Variants in AOX1 observed in about 807,000 individuals in gnomAD.
The protein encoded by AOX1 is aldehyde oxidase.
Under a neutral mutation model 169.5 loss-of-function variants are expected in AOX1, and 153 were observed. That is an observed-to-expected ratio of 0.90 (90% CI 0.79 to 1.03). The LOEUF (loss-of-function observed/expected upper bound fraction) is 1.03, where lower values mean the gene tolerates loss of function less well. Ranked by LOEUF, AOX1 falls within the 50% of genes least tolerant of loss-of-function variation. AOX1 has a pLI of 0.00. For missense variants in AOX1, 1,656 were observed against 1,663.9 expected (o/e 1.00, Z 0.08); for synonymous variants, 562 against 581.9 (o/e 0.97, Z 0.49).
At position 200,666,759 on chromosome 2, in the gene AOX1, G is replaced by C; in HGVS notation, c.3609+7G>C. ...AGCCATTGACATAGGCCAGGTACGT[G>C]TAACTGATGTGTCTCACTTTCTATT... On this transcript the variant is annotated splice_region_variant and intron_variant, in intron 32 of 34. Transcript: ENST00000374700. 3.7e-6 allele frequency: 6 copies of C among 1,603,796 alleles called. No homozygotes were observed. Among genetic ancestry groups the C allele is most frequent in the Non-Finnish European group, 5.1e-6 (6 of 1,175,414 alleles).
intron 3 of AOX1, among the ~76,000 whole-genome samples, chr2:200,596,876 G>A (rs1017921021): frequency 1.3e-5 from 2 of 152,162 alleles, no homozygotes. Flanking sequence ...TAGAATGGGA[G>A]TGGCAGTCTC....
chr2:200,667,356 G>A (rs978218416), intron 32 of AOX1, among the ~76,000 whole-genome samples: 5 of 152,166 alleles, frequency 3.3e-5, no homozygotes, highest in South Asian at 2.1e-4. Flanking sequence ...GACCCACCTG[G>A]AATCTTCATA....
chr2:200,608,606 G>A (rs1016821916), intron 10 of AOX1, among the ~76,000 whole-genome samples: 1 of 152,110 alleles, frequency 6.6e-6, no homozygotes, highest in African/African-American at 2.4e-5. Context: ...TATCTCATAG[G>A]TATGTTCAGA....
chr2:200,629,471 C>T (rs190009117), intron 20 of AOX1, among the ~76,000 whole-genome samples: 1 of 152,032 alleles, frequency 6.6e-6, no homozygotes, highest in Non-Finnish European at 1.5e-5. Context: ...TTTATCAAAC[C>T]CAGTGTTTCC....
At chr2:200,667,042 A>G (rs2287008) in intron 32 of AOX1, among the ~76,000 whole-genome samples, 86,657 of 151,972 alleles carry the variant, frequency 0.57, 25,011 homozygotes, top group East Asian at 0.8. Context: ...TGGGACATAA[A>G]TAGAGTTAGT....
At chr2:200,658,450 C>A (rs564486958) in intron 27 of AOX1, among the ~76,000 whole-genome samples, 17 of 152,310 alleles carry the variant, frequency 1.1e-4, no homozygotes, top group Non-Finnish European at 1.6e-4. Context: ...ATATTCTAAG[C>A]CTATTGCACT....
intron 25 of AOX1, among the ~76,000 whole-genome samples, chr2:200,649,416 C>T (rs1023944835): frequency 2.6e-5 from 4 of 152,210 alleles, no homozygotes; most frequent in African/African-American, 4.8e-5. Flanking sequence ...GAGGATCTCC[C>T]TTCCCCCTCA....
In AOX1 at chr2:200,666,873, C is replaced by G. The variant is rs1227014955; in HGVS notation, c.3609+121C>G. ...TATTTTTCTAACCCTTTAGTCAACT[C>G]TATTCAGACCAACTGCAGAGCTCAA... On this transcript the variant is annotated intron_variant, in intron 32 of 34. Transcript: ENST00000374700. 1.9e-5 allele frequency: 11 copies of G among 588,454 alleles called. No individual in the cohort carries two copies. In the East Asian group the frequency reaches 2.4e-4, roughly 13 times the overall value. The allele number at this position is 588,454 out of a possible 1,614,324, so 36.5% of individuals were successfully genotyped here.
At chr2:200,662,213 C>T (rs1357835943) in intron 30 of AOX1, among the ~76,000 whole-genome samples, 1 of 152,192 alleles carries the variant, frequency 6.6e-6, no homozygotes, top group African/African-American at 2.4e-5. Flanking sequence ...GGGACCTGGG[C>T]ACTGACTGCC....
chr2:200,632,633 T>A (rs1412224407), intron 20 of AOX1, among the ~76,000 whole-genome samples: 3 of 150,246 alleles, frequency 2.0e-5, no homozygotes, highest in African/African-American at 4.9e-5. Context: ...TTTCTTCATT[T>A]AAAAAAAAAA....
downstream of AOX1, among the ~76,000 whole-genome samples, chr2:200,679,820 AC>A (rs1024939078): frequency 6.6e-6 from 1 of 152,138 alleles, no homozygotes; most frequent in Non-Finnish European, 1.5e-5. Context: ...AGTGGTGCAC[AC>A]CTGTAATCCT....
downstream of AOX1, among the ~76,000 whole-genome samples, chr2:200,672,339 A>G (rs1255817032): frequency 6.6e-6 from 1 of 152,254 alleles, no homozygotes; most frequent in Non-Finnish European, 1.5e-5. Flanking sequence ...AAAATGTGGG[A>G]AAGATTGAGA....
chr2:200,655,582 A>G (rs1248988817), intron 26 of AOX1, among the ~76,000 whole-genome samples: 16 of 152,182 alleles, frequency 1.1e-4, no homozygotes, highest in Admixed American at 8.5e-4. Flanking sequence ...TGGTCCTCAG[A>G]GAAAGGGTAT....
intron 31 of AOX1, among the ~76,000 whole-genome samples, chr2:200,664,712 C>G (rs1009878709): frequency 6.6e-6 from 1 of 152,160 alleles, no homozygotes; most frequent in Non-Finnish European, 1.5e-5. Flanking sequence ...TACCAGGGGC[C>G]CTCCCCAAAG....
At chr2:200,674,392 T>C (rs2036068039), downstream of AOX1, among the ~76,000 whole-genome samples, 1 of 148,086 alleles carries the variant, frequency 6.8e-6, no homozygotes, top group Non-Finnish European at 1.5e-5. Flanking sequence ...AGGATATATA[T>C]GGAACAAATG....
chr2:200,620,724 C>T lies in AOX1; in HGVS notation c.1779C>T (p.Ala593=). The change falls in exon 17 of 35, where the codon GCC becomes GCT. Residue 593 remains alanine, a synonymous_variant. Transcript: ENST00000374700. ...TGCATCTGTCTGGTGTGAAGCATGC[C>T]ACGGGGGAGGCCATCTACTGTGATG... ...PIMHLSGVKH[A]TGEAIYCDDM... The T allele has an allele frequency of 6.2e-7, 1 of 1,604,796 alleles. No homozygotes were observed. Among genetic ancestry groups the T allele is most frequent in the Non-Finnish European group, 8.5e-7 (1 of 1,176,940 alleles).
chr2:200,637,082 A>C (rs1378582759), intron 22 of AOX1, 38 bp downstream of exon 22: 2 of 1,610,790 alleles, frequency 1.2e-6, no homozygotes, highest in Non-Finnish European at 8.5e-7. Flanking sequence ...AAGTGAAGTC[A>C]CACTGAAAGT....
At chr2:200,596,378 A>G (rs1163568779) in intron 3 of AOX1, among the ~76,000 whole-genome samples, 1 of 152,096 alleles carries the variant, frequency 6.6e-6, no homozygotes, top group African/African-American at 2.4e-5. Context: ...CGACTACCCT[A>G]TGCTCTGTGA....
At position 200,586,168 on chromosome 2, in the gene AOX1, G is replaced by T; in HGVS notation, c.45+15G>T. On this transcript the variant is annotated intron_variant, in intron 1 of 34. Coordinates refer to ENST00000374700, the MANE Select transcript of AOX1 (RefSeq NM_001159.4). The stretch of plus-strand genomic sequence containing the variant: ...ACGGCCGCAAGGTGAGCGCCCGCGG[G>T]CTTCCTCTGCCCCCAGACCTGCGGC... 1 of 1,552,564 alleles carries T rather than the reference G, an allele frequency of 6.4e-7. No homozygotes were observed. The highest frequency in any genetic ancestry group is 8.7e-7 in the Non-Finnish European group (1 of 1,149,408).
Sources: allele counts gnomAD v4.1 joint callset (sites outside exome capture counted in the v4.1 genomes callset), GRCh38; gene constraint gnomAD v4.1.1; transcripts MANE v1.5; gene names NCBI Gene and HGNC (gene_info 2026-07-23, HGNC 2026-07-21).